The following CLPSL1 variants were observed in gnomAD, a reference collection of about 807,000 sequenced individuals.
CLPSL1 encodes colipase-like protein 1.
CLPSL1 carries 13 observed loss-of-function variants against 9.3 expected under a neutral mutation model. The observed-to-expected ratio is 1.40, with a 90% CI of 0.91 to 2.22. The LOEUF (loss-of-function observed/expected upper bound fraction) is 2.22. CLPSL1 is among the 30% of genes most tolerant of loss of function. CLPSL1 has a pLI of 0.00. For missense variants in CLPSL1, 164 were observed against 146.6 expected (o/e 1.12, Z -0.61); for synonymous variants, 58 against 56.9 (o/e 1.02, Z -0.08).
intron 1 of CLPSL1, among the ~76,000 whole-genome samples, chr6:35,786,781 G>A (rs1768081130): frequency 2.0e-5 from 1 of 51,258 alleles, no homozygotes; most frequent in African/African-American, 7.5e-5. Flanking sequence ...GACACCAAGA[G>A]TAAACCTTTT....
At chr6:35,794,015 G>C (rs147579109), downstream of CLPSL1, among the ~76,000 whole-genome samples, 1 of 152,206 alleles carries the variant, frequency 6.6e-6, no homozygotes, top group African/African-American at 2.4e-5. Context: ...GAATAATTGG[G>C]AAAGAAAAAG....
downstream of CLPSL1, chr6:35,793,817 ACTCTCTGTGGGAATCTC>A: frequency 3.0e-6 from 1 of 334,150 alleles, no homozygotes; most frequent in Non-Finnish European, 5.9e-6. Flanking sequence ...ACTGTCCCTC[ACTCTCTGTGGGAATCTC>A]CTCTCTAGCA....
chr6:35,792,218 G>T (rs1428382507), downstream of CLPSL1, among the ~76,000 whole-genome samples: 1 of 152,134 alleles, frequency 6.6e-6, no homozygotes, highest in African/African-American at 2.4e-5. Flanking sequence ...AGGCTGTAGT[G>T]AGCCATGATC....
downstream of CLPSL1, among the ~76,000 whole-genome samples, chr6:35,791,342 GGCTCAC>G (rs1768204780): frequency 6.6e-6 from 1 of 152,258 alleles, no homozygotes; most frequent in Non-Finnish European, 1.5e-5. Context: ...CGGGCACGGG[GGCTCAC>G]GCCTGTAATC....
chr6:35,788,881 T>G (rs1768140929), downstream of CLPSL1, among the ~76,000 whole-genome samples: 1 of 152,264 alleles, frequency 6.6e-6, no homozygotes, highest in Non-Finnish European at 1.5e-5. Flanking sequence ...TCAGGTTACA[T>G]TTTGGAGTTA....
rs1422356333 is a variant in CLPSL1, at chr6:35,788,049, C to T, written c.*39C>T. 1 of 1,480,824 alleles carries T rather than the reference C, an allele frequency of 6.8e-7. No homozygotes were observed. 91.7% of individuals were successfully genotyped at this position (1,480,824 alleles called of 1,614,324 possible). ...TTGCTGCCTCCTCCTCCTCCACCTG[C>T]TCTCCTCCCTACCCAGAGCTCTGTG... On this transcript the variant is annotated 3_prime_UTR_variant, in exon 3 of 3. Transcript: ENST00000373861.
At chr6:35,785,526 C>T (rs1178542558) in intron 1 of CLPSL1, among the ~76,000 whole-genome samples, 1 of 152,088 alleles carries the variant, frequency 6.6e-6, no homozygotes. Context: ...ATGTGCATTC[C>T]CCGGGCTCAC....
intron 2 of CLPSL1, 71 bp downstream of exon 2, chr6:35,787,191 C>A: frequency 1.9e-6 from 3 of 1,550,634 alleles, no homozygotes; most frequent in African/African-American, 1.3e-5. Context: ...GCCCAGATTC[C>A]TGGGGAGGAA....
At chr6:35,791,008 G>A (rs1408539593), downstream of CLPSL1, among the ~76,000 whole-genome samples, 1 of 149,814 alleles carries the variant, frequency 6.7e-6, no homozygotes, top group Non-Finnish European at 1.5e-5. Context: ...TCGCACCACT[G>A]CATTCCAGCC....
chr6:35,782,574 C>G (rs1367759712), intron 1 of CLPSL1, among the ~76,000 whole-genome samples: 1 of 152,178 alleles, frequency 6.6e-6, no homozygotes, highest in East Asian at 1.9e-4. Flanking sequence ...CAGCCTGAGG[C>G]AGGAGGGGGA....
intron 1 of CLPSL1, among the ~76,000 whole-genome samples, chr6:35,786,762 T>A (rs1235647253): frequency 1.5e-5 from 1 of 67,246 alleles, no homozygotes; most frequent in Non-Finnish European, 3.3e-5. Flanking sequence ...AGAAGCAGCC[T>A]ATGTTGAGGA....
At chr6:35,784,683 T>G (rs530080331) in intron 1 of CLPSL1, among the ~76,000 whole-genome samples, 1 of 152,348 alleles carries the variant, frequency 6.6e-6, no homozygotes, top group Non-Finnish European at 1.5e-5. Flanking sequence ...GAGGATTGTC[T>G]GAGCCCAGAG....
In CLPSL1 at chr6:35,787,987, T is replaced by C. The variant is rs201485408; in HGVS notation, c.343T>C (p.Leu115=). Residue 115 remains leucine, a synonymous_variant, in exon 3 of 3, where the codon TTG becomes CTG. Coordinates refer to ENST00000373861, the MANE Select transcript of CLPSL1 (RefSeq NM_001010886.5). ...TTGTCAGAAAATTGGAAGGCAGAAG[T>C]TGGCTAAGAAAATGTTCTTCTAGTG... ...GRCQKIGRQK[L]AKKMFF The C allele has an allele frequency of 3.5e-4, 561 of 1,613,242 alleles. No individual in the cohort carries two copies. The highest frequency in any genetic ancestry group is 1.2e-4 in the Non-Finnish European group (143 of 1,179,346).
intron 2 of CLPSL1, 75 bp downstream of exon 2, chr6:35,787,195 G>A: frequency 2.6e-6 from 4 of 1,538,210 alleles, no homozygotes; most frequent in Non-Finnish European, 3.5e-6. Flanking sequence ...AGATTCCTGG[G>A]GAGGAAAGAA....
At chr6:35,787,491 C>G (rs376158264) in intron 2 of CLPSL1, among the ~76,000 whole-genome samples, 1 of 152,246 alleles carries the variant, frequency 6.6e-6, no homozygotes, top group Non-Finnish European at 1.5e-5. Context: ...GCTGTGGCCC[C>G]GGGTGTTCCT....
At chr6:35,792,040 C>G (rs370278444), downstream of CLPSL1, among the ~76,000 whole-genome samples, 8 of 150,654 alleles carry the variant, frequency 5.3e-5, no homozygotes, top group African/African-American at 1.2e-4. Flanking sequence ...GAGCCGAGAT[C>G]GCACTATTGC....
chr6:35,793,441 A>AAAG (rs769011611), intron 1 of CLPSL1: 4 of 451,834 alleles, frequency 8.9e-6, no homozygotes, highest in South Asian at 5.0e-5. Context: ...AAAAAAAAAA[A>AAAG]AGGGTATGCA....
chr6:35,783,314 C>G (rs970013331), intron 1 of CLPSL1, among the ~76,000 whole-genome samples: 1 of 152,160 alleles, frequency 6.6e-6, no homozygotes, highest in African/African-American at 2.4e-5. Context: ...AGTTCGAGAA[C>G]AGCCTGACCA....
At chr6:35,789,444 G>A (rs1323954141), downstream of CLPSL1, among the ~76,000 whole-genome samples, 26 of 152,344 alleles carry the variant, frequency 1.7e-4, no homozygotes, top group African/African-American at 5.8e-4. Flanking sequence ...AACTCAAAAT[G>A]GATTAAAGAC....
Sources: allele counts gnomAD v4.1 joint callset (sites outside exome capture counted in the v4.1 genomes callset), GRCh38; gene constraint gnomAD v4.1.1; transcripts MANE v1.5; gene names NCBI Gene and HGNC (gene_info 2026-07-23, HGNC 2026-07-21).